The following RTP2 variants were observed in gnomAD, a reference collection of about 807,000 sequenced individuals.
RTP2 encodes the protein receptor transporter protein 2, also known as receptor-transporting protein 2.
In RTP2, 12 loss-of-function variants were observed where a neutral mutation model predicts 17.9. The ratio of observed to expected loss-of-function variants is 0.67; its 90% CI spans 0.43 to 1.09. The LOEUF (loss-of-function observed/expected upper bound fraction) is 1.09, where lower values mean the gene tolerates loss of function less well. Ranked by LOEUF, RTP2 falls within the 50% of genes least tolerant of loss-of-function variation. The pLI, the probability that RTP2 is intolerant of heterozygous loss-of-function variation, is 0.00. For missense variants in RTP2, 327 were observed against 295.7 expected (o/e 1.11, Z -0.78); for synonymous variants, 126 against 117.7 (o/e 1.07, Z -0.46).
chr3:187,707,248 C>T (rs1442649810), upstream of RTP2, among the ~76,000 whole-genome samples: 1 of 152,214 alleles, frequency 6.6e-6, no homozygotes, highest in African/African-American at 2.4e-5. Flanking sequence ...CAAGGCAACA[C>T]TTTCACCATT....
At chr3:187,710,376 CATATAT>C in the RTP2 span, among the ~76,000 whole-genome samples, 206 of 142,844 alleles carry the variant, frequency 1.4e-3, no homozygotes, top group East Asian at 7.4e-3. Flanking sequence ...CCTAAATATC[CATATAT>C]ATATATATAT....
upstream of RTP2, among the ~76,000 whole-genome samples, chr3:187,704,655 TC>T (rs1443266368): frequency 6.6e-6 from 1 of 152,238 alleles, no homozygotes; most frequent in Non-Finnish European, 1.5e-5. Flanking sequence ...GTGTGTCCTA[TC>T]TTCTCCTGTG....
chr3:187,705,363 A>G (rs1004340432), upstream of RTP2, among the ~76,000 whole-genome samples: 2 of 152,204 alleles, frequency 1.3e-5, no homozygotes, highest in African/African-American at 4.8e-5. Context: ...GCCATGACTC[A>G]TCTCTGGGAC....
intron 1 of RTP2, among the ~76,000 whole-genome samples, chr3:187,700,180 C>A (rs2017908): frequency 0.18 from 27,334 of 152,146 alleles, 3,323 homozygotes; most frequent in African/African-American, 0.35. Flanking sequence ...TCAACCCAGG[C>A]TATGGGATAG....
At chr3:187,711,352 C>G in the RTP2 span, among the ~76,000 whole-genome samples, 18 of 152,194 alleles carry the variant, frequency 1.2e-4, no homozygotes, top group African/African-American at 4.3e-4. Context: ...GAAATCAACA[C>G]CTGCACCATG....
At chr3:187,707,468 T>TA (rs768327337), upstream of RTP2, among the ~76,000 whole-genome samples, 10 of 151,654 alleles carry the variant, frequency 6.6e-5, no homozygotes, top group South Asian at 2.1e-4. Context: ...GGCAGTTAAA[T>TA]AAAAAAAATG....
chr3:187,711,229 A>G, the RTP2 span, among the ~76,000 whole-genome samples: 3 of 152,160 alleles, frequency 2.0e-5, no homozygotes, highest in Non-Finnish European at 4.4e-5. Context: ...ATTTATTAAC[A>G]CCTTGTCAGG....
At chr3:187,708,261 G>T in the RTP2 span, among the ~76,000 whole-genome samples, 102 of 152,318 alleles carry the variant, frequency 6.7e-4, 1 homozygote, top group African/African-American at 2.2e-3. Flanking sequence ...GCTATAGGAA[G>T]ATAGAAAAAT....
chr3:187,701,909 C>T (rs1717858544), intron 1 of RTP2, 56 bp downstream of exon 1: 3 of 1,478,938 alleles, frequency 2.0e-6, no homozygotes, highest in South Asian at 2.8e-5. Context: ...TGGAAAGTAC[C>T]CCACAGCTGT....
the RTP2 span, among the ~76,000 whole-genome samples, chr3:187,712,241 A>T: frequency 1.3e-5 from 2 of 152,156 alleles, no homozygotes; most frequent in African/African-American, 4.8e-5. Flanking sequence ...GTTAGGTAAG[A>T]CCTTACCATT....
upstream of RTP2, among the ~76,000 whole-genome samples, chr3:187,702,780 T>C (rs990586532): frequency 2.0e-5 from 3 of 152,232 alleles, no homozygotes; most frequent in Non-Finnish European, 2.9e-5. Flanking sequence ...GTTTATTTAT[T>C]TTAGTACTAT....
rs1395887205 is a variant in RTP2 at position 187,702,232 on chromosome 3, T to C, written c.-104A>G. 4.2e-6 allele frequency: 5 copies of C among 1,178,528 alleles called. No homozygotes were observed. Among genetic ancestry groups the C allele is most frequent in the African/African-American group, 1.5e-5 (1 of 65,404 alleles). The allele number at this position is 1,178,528 out of a possible 1,614,324, so 73.0% of individuals were successfully genotyped here. ...TCAGTGTCTACGGTCAGAATCCTCA[T>C]CGGCAGGACTGGGAGTAAACAGGAC... On this transcript the variant is annotated 5_prime_UTR_variant, in exon 1 of 2. The change abolishes an upstream ATG in the 5' untranslated region. Transcript: ENST00000358241.
At chr3:187,710,118 G>A in the RTP2 span, among the ~76,000 whole-genome samples, 17 of 152,144 alleles carry the variant, frequency 1.1e-4, no homozygotes, top group African/African-American at 3.9e-4. Context: ...AGAACAAAAA[G>A]ACAATGCAGG....
chr3:187,709,788 C>T, the RTP2 span, among the ~76,000 whole-genome samples: 3,499 of 152,298 alleles, frequency 0.023, 36 homozygotes, highest in Non-Finnish European at 0.033. Context: ...GATGTGAGGA[C>T]ATGCATTGGC....
At chr3:187,705,481 A>G (rs955665971), upstream of RTP2, among the ~76,000 whole-genome samples, 2 of 152,238 alleles carry the variant, frequency 1.3e-5, no homozygotes, top group Admixed American at 1.3e-4. Flanking sequence ...TCCTGGGCAG[A>G]CTTTTAAAAA....
upstream of RTP2, among the ~76,000 whole-genome samples, chr3:187,704,542 T>G (rs1371177052): frequency 1.3e-5 from 2 of 152,198 alleles, no homozygotes; most frequent in Non-Finnish European, 2.9e-5. Context: ...TCCCACAGGC[T>G]ACTGGAGGCC....
At chr3:187,708,725 GT>G in the RTP2 span, among the ~76,000 whole-genome samples, 3 of 152,188 alleles carry the variant, frequency 2.0e-5, no homozygotes, top group Non-Finnish European at 4.4e-5. Context: ...TGCACTATGA[GT>G]TTTTCTAAGT....
chr3:187,715,646 C>T, the RTP2 span: 16 of 456,680 alleles, frequency 3.5e-5, no homozygotes, highest in Non-Finnish European at 6.2e-5. Context: ...AGAATTCTCA[C>T]CACTGGTTCT....
At chr3:187,706,456 A>G (rs1579787177), upstream of RTP2, among the ~76,000 whole-genome samples, 1 of 152,236 alleles carries the variant, frequency 6.6e-6, no homozygotes, top group Non-Finnish European at 1.5e-5. Flanking sequence ...AATAAAAAGA[A>G]TTTTAAAACA....
Sources: allele counts gnomAD v4.1 joint callset (sites outside exome capture counted in the v4.1 genomes callset), GRCh38; gene constraint gnomAD v4.1.1; transcripts MANE v1.5; gene names NCBI Gene and HGNC (gene_info 2026-07-23, HGNC 2026-07-21).